DYNC1I2: variants seen among roughly 807,000 people sequenced by gnomAD.
DYNC1I2 encodes dynein cytoplasmic 1 intermediate chain 2, also known as cytoplasmic dynein 1 intermediate chain 2.
Under a neutral mutation model 88.6 loss-of-function variants are expected in DYNC1I2, and 53 were observed. That is an observed-to-expected ratio of 0.60 (90% confidence interval 0.48 to 0.75). DYNC1I2 has a LOEUF of 0.75. DYNC1I2 is among the 30% of genes least tolerant of loss of function. The pLI is 0.00. For missense variants in DYNC1I2, 458 were observed against 766.6 expected, an observed-to-expected ratio of 0.60 and a Z score of 4.75; for synonymous variants, 198 against 254.6, an observed-to-expected ratio of 0.78 and a Z score of 2.12.
At chr2:171,703,890 C>T (rs528743885) in intron 3 of DYNC1I2, among the ~76,000 whole-genome samples, 10 of 152,282 alleles carry the variant, frequency 6.6e-5, no homozygotes, top group South Asian at 2.1e-4. Flanking sequence ...TTGGGTTCCA[C>T]GCATCCCAAA....
intron 3 of DYNC1I2, among the ~76,000 whole-genome samples, chr2:171,696,192 T>C (rs765066416): frequency 9.2e-5 from 14 of 152,126 alleles, no homozygotes; most frequent in African/African-American, 1.4e-4. Flanking sequence ...TCCTCTATTT[T>C]GATATGATCA....
intron 5 of DYNC1I2, among the ~76,000 whole-genome samples, chr2:171,708,108 A>G (rs144392798): frequency 1.3e-3 from 200 of 151,758 alleles, no homozygotes; most frequent in African/African-American, 4.6e-3. Flanking sequence ...AGTGAGTATT[A>G]AATGTACTTT....
rs138860715 is a variant in DYNC1I2, at chr2:171,700,126, T to C, written c.227-6421T>C. ...AGTGATCTGAAGTCTTGACTGAGGC[T>C]CGAGGACTTGCTTTCATGGTGGTTC... On this transcript the variant is annotated intron_variant, in intron 3 of 17. Transcript: ENST00000397119. 1.4e-3 allele frequency among the ~76,000 whole-genome samples: 220 copies of C among 152,286 alleles called. 1 individual carries two copies. Among genetic ancestry groups the C allele is most frequent in the African/African-American group, 5.1e-3 (211 of 41,558 alleles).
intron 5 of DYNC1I2, 129 bp downstream of exon 5, chr2:171,707,506 T>A: frequency 1.3e-6 from 1 of 749,742 alleles, no homozygotes; most frequent in Non-Finnish European, 1.9e-6. Context: ...TAAAATGGCA[T>A]AGAAATTCTC....
At chr2:171,707,081 G>T in intron 4 of DYNC1I2, 1 of 689,160 alleles carries the variant, frequency 1.5e-6, no homozygotes, top group Non-Finnish European at 2.4e-6. Flanking sequence ...CAGAAAAATT[G>T]CATGAATCTT....
intron 15 of DYNC1I2, among the ~76,000 whole-genome samples, chr2:171,740,843 C>G (rs1464733766): frequency 6.6e-6 from 1 of 151,970 alleles, no homozygotes; most frequent in Non-Finnish European, 1.5e-5. Flanking sequence ...TTAAAGTATA[C>G]AATTCAGTGG....
intron 7 of DYNC1I2, among the ~76,000 whole-genome samples, chr2:171,716,893 A>T: frequency 9.6e-6 from 1 of 104,682 alleles, no homozygotes; most frequent in East Asian, 2.7e-4. Context: ...GCGACAGAGC[A>T]AGACTCCGTT....
intron 6 of DYNC1I2, 58 bp downstream of exon 6, chr2:171,712,884 C>A: frequency 1.4e-6 from 2 of 1,440,448 alleles, no homozygotes; most frequent in Non-Finnish European, 2.0e-6. Context: ...CTTTGTGAAA[C>A]TGTCCTAATT....
At chr2:171,735,916 AC>A (rs1417031490) in intron 15 of DYNC1I2, among the ~76,000 whole-genome samples, 17 of 152,330 alleles carry the variant, frequency 1.1e-4, no homozygotes, top group African/African-American at 3.6e-4. Flanking sequence ...AACCATATTT[AC>A]CATAAAATGA....
intron 15 of DYNC1I2, 93 bp downstream of exon 15, chr2:171,729,946 C>A: frequency 2.1e-6 from 3 of 1,442,230 alleles, no homozygotes; most frequent in Non-Finnish European, 2.8e-6. Context: ...CCTTTTAAAT[C>A]ATAATTGTTT....
chr2:171,729,589 C>G, intron 14 of DYNC1I2, 120 bp from the exon 15 acceptor site: 5 of 1,008,854 alleles, frequency 5.0e-6, no homozygotes, highest in Non-Finnish European at 7.2e-6. Flanking sequence ...AAGTTATGAG[C>G]ACAGAGTTAA....
intron 9 of DYNC1I2, 29 bp downstream of exon 9, chr2:171,726,110 T>C (rs1351331261): frequency 6.4e-7 from 1 of 1,559,166 alleles, no homozygotes; most frequent in Non-Finnish European, 8.7e-7. Context: ...GATTTTTAGC[T>C]TCAATAATGT....
At chr2:171,698,656 T>G (rs1376323318) in intron 3 of DYNC1I2, among the ~76,000 whole-genome samples, 4 of 151,342 alleles carry the variant, frequency 2.6e-5, no homozygotes, top group African/African-American at 9.7e-5. Context: ...GATCACGAGG[T>G]CAGGAGATCG....
At chr2:171,698,036 C>G (rs1470124765) in intron 3 of DYNC1I2, among the ~76,000 whole-genome samples, 2 of 152,200 alleles carry the variant, frequency 1.3e-5, no homozygotes, top group Non-Finnish European at 2.9e-5. Flanking sequence ...ATAACCTGAT[C>G]TCTCCATCAT....
At chr2:171,696,610 A>G (rs989653237) in intron 3 of DYNC1I2, among the ~76,000 whole-genome samples, 2 of 152,112 alleles carry the variant, frequency 1.3e-5, no homozygotes, top group African/African-American at 4.8e-5. Context: ...ATTTTTAAAA[A>G]TAGTATGAGG....
intron 5 of DYNC1I2, among the ~76,000 whole-genome samples, chr2:171,709,870 ACCGCGCC>A (rs1381009491): frequency 6.6e-6 from 1 of 152,070 alleles, no homozygotes; most frequent in Admixed American, 6.5e-5. Context: ...AGCATGCACA[ACCGCGCC>A]CAGCTAATTT....
At chr2:171,709,813 G>A (rs769527758) in intron 5 of DYNC1I2, among the ~76,000 whole-genome samples, 12 of 152,010 alleles carry the variant, frequency 7.9e-5, no homozygotes, top group African/African-American at 1.4e-4. Flanking sequence ...CACCTCCCAC[G>A]TTCAAGCGAT....
rs537693019 is a variant in DYNC1I2 at position 171,701,310 on chromosome 2, C to T, written c.227-5237C>T. On this transcript the variant is annotated intron_variant, in intron 3 of 17. Coordinates refer to ENST00000397119, the MANE Select transcript of DYNC1I2 (RefSeq NM_001378.3). ...TCAGCCACCTGAGTAGCTGGGATTACAGACATCTGCCAACAAGCCCAGCTA... is the reference window on the plus strand; with the variant it reads ...TCAGCCACCTGAGTAGCTGGGATTATAGACATCTGCCAACAAGCCCAGCTA... 4.1e-4 allele frequency among the ~76,000 whole-genome samples: 62 copies of T among 152,278 alleles called. 1 individual carries two copies. The highest frequency in any genetic ancestry group is 3.5e-3 in the Admixed American group (54 of 15,298).
intron 7 of DYNC1I2, among the ~76,000 whole-genome samples, chr2:171,718,376 GAT>G (rs1244110078): frequency 6.6e-6 from 1 of 152,160 alleles, no homozygotes. Flanking sequence ...AAATGTTTTT[GAT>G]ACTGCTGTGT....
Sources: gnomAD v4.1 joint callset for allele counts (sites outside exome capture counted in the v4.1 genomes callset) on GRCh38, gnomAD v4.1.1 for gene constraint, MANE v1.5 for transcripts, NCBI Gene and HGNC (gene_info 2026-07-23, HGNC 2026-07-21) for gene names.